Variants in BTBD9 observed in about 807,000 individuals in gnomAD.
BTBD9 encodes BTB/POZ domain-containing protein 9.
In BTBD9, 49 loss-of-function variants were observed where a neutral mutation model predicts 64.3. The ratio of observed to expected loss-of-function variants is 0.76; its 90% confidence interval spans 0.61 to 0.97. The LOEUF is 0.97. BTBD9 is among the 50% of genes least tolerant of loss of function. The pLI is 0.00. For synonymous variants in BTBD9, 260 were observed against 274.7 expected (o/e 0.95, Z 0.53); for missense variants, 598 against 762.1 (o/e 0.78, Z 2.53).
At chr6:38,311,305 C>G (rs1762824225) in intron 7 of BTBD9, among the ~76,000 whole-genome samples, 1 of 151,610 alleles carries the variant, frequency 6.6e-6, no homozygotes, top group South Asian at 2.1e-4. Flanking sequence ...TCCATGAGTT[C>G]AATTGTTTTC....
intron 7 of BTBD9, among the ~76,000 whole-genome samples, chr6:38,320,392 T>C (rs871183): frequency 0.34 from 51,652 of 152,152 alleles, 10,302 homozygotes; most frequent in Non-Finnish European, 0.47. Context: ...CACTTTACTA[T>C]AAATATTTTC....
chr6:38,572,041 T>G (rs1317458444), intron 6 of BTBD9, among the ~76,000 whole-genome samples: 1 of 150,788 alleles, frequency 6.6e-6, no homozygotes, highest in Non-Finnish European at 1.5e-5. Flanking sequence ...ATCACCCCCT[T>G]CATCTCAGCT....
chr6:38,483,948 A>G (rs1251458549), intron 6 of BTBD9, among the ~76,000 whole-genome samples: 1 of 152,190 alleles, frequency 6.6e-6, no homozygotes. Flanking sequence ...TATCACATTT[A>G]TTTCTTTACA....
intron 6 of BTBD9, among the ~76,000 whole-genome samples, chr6:38,433,498 T>A (rs1013499009): frequency 6.6e-6 from 1 of 151,906 alleles, no homozygotes; most frequent in Non-Finnish European, 1.5e-5. Flanking sequence ...TTCCTTCTCC[T>A]GGCTCAGAAC....
chr6:38,612,609 G>A (rs984971530), intron 1 of BTBD9, among the ~76,000 whole-genome samples: 1 of 152,158 alleles, frequency 6.6e-6, no homozygotes, highest in East Asian at 1.9e-4. Flanking sequence ...TTCCCAAGAT[G>A]ACTTAAGGAA....
At chr6:38,251,086 A>G (rs1207714539) in intron 9 of BTBD9, among the ~76,000 whole-genome samples, 1 of 150,580 alleles carries the variant, frequency 6.6e-6, no homozygotes, top group Non-Finnish European at 1.5e-5. Context: ...TGTCTCAGAA[A>G]AAAAAAAAAT....
chr6:38,213,224 A>T (rs60947971), intron 9 of BTBD9, among the ~76,000 whole-genome samples: 2,284 of 152,264 alleles, frequency 0.015, 64 homozygotes, highest in African/African-American at 0.052. Context: ...TTTAGATCTA[A>T]TGACAAGCCA....
chr6:38,416,662 A>C (rs1430768916), intron 6 of BTBD9, among the ~76,000 whole-genome samples: 1 of 150,964 alleles, frequency 6.6e-6, no homozygotes, highest in Non-Finnish European at 1.5e-5. Flanking sequence ...GTACTCTTAC[A>C]TTGCCTGGAG....
At chr6:38,294,043 T>A (rs533890843) in intron 7 of BTBD9, among the ~76,000 whole-genome samples, 1 of 151,780 alleles carries the variant, frequency 6.6e-6, no homozygotes, top group Non-Finnish European at 1.5e-5. Flanking sequence ...AAAGAAGACA[T>A]TTATGCCAAC....
intron 9 of BTBD9, among the ~76,000 whole-genome samples, chr6:38,198,153 AAAAG>A (rs1397316678): frequency 3.4e-4 from 52 of 152,202 alleles, no homozygotes; most frequent in Middle Eastern, 3.2e-3. Flanking sequence ...GAAATAAATA[AAAAG>A]AAAGAGACAG....
chr6:38,217,062 A>G lies in BTBD9; in HGVS notation c.1563-24465T>C, dbSNP rs562851997. Among the ~76,000 whole-genome samples, 383 of 151,486 alleles carry G rather than the reference A, an allele frequency of 2.5e-3. 1 individual carries two copies. Among genetic ancestry groups the G allele is most frequent in the African/African-American group, 8.4e-3 (347 of 41,234 alleles). On this transcript the variant is annotated intron_variant, in intron 9 of 10. Transcript: ENST00000481247. ...AGTAGCTCATGCCTGTAATCCCAGC[A>G]CTTTGGGAGGCCGAGGTGGGTGGAT...
chr6:38,542,764 C>G (rs930350764), intron 6 of BTBD9, among the ~76,000 whole-genome samples: 3 of 152,196 alleles, frequency 2.0e-5, no homozygotes, highest in Admixed American at 6.5e-5. Context: ...GGCTACACCT[C>G]TTAACACAGG....
At chr6:38,590,664 G>C (rs184722342) in intron 4 of BTBD9, among the ~76,000 whole-genome samples, 2 of 152,304 alleles carry the variant, frequency 1.3e-5, no homozygotes, top group East Asian at 3.9e-4. Context: ...ATCAAGCTCA[G>C]CATCTTCTTC....
intron 9 of BTBD9, among the ~76,000 whole-genome samples, chr6:38,213,407 T>C (rs1397562074): frequency 1.3e-5 from 2 of 152,108 alleles, no homozygotes; most frequent in Non-Finnish European, 2.9e-5. Context: ...TTTCCTATGA[T>C]GAAAACCATT....
At chr6:38,334,945 CCCA>C (rs1481427545) in intron 7 of BTBD9, among the ~76,000 whole-genome samples, 6 of 151,956 alleles carry the variant, frequency 3.9e-5, no homozygotes, top group African/African-American at 1.5e-4. Context: ...AATTGTAATC[CCCA>C]CGTGTTGAGG....
chr6:38,262,318 T>C (rs1171058584), intron 8 of BTBD9, among the ~76,000 whole-genome samples: 1 of 152,232 alleles, frequency 6.6e-6, no homozygotes, highest in Non-Finnish European at 1.5e-5. Context: ...CCAAGATTTA[T>C]TGATGCAGAT....
chr6:38,531,098 C>G (rs1773780894), intron 6 of BTBD9, among the ~76,000 whole-genome samples: 1 of 152,060 alleles, frequency 6.6e-6, no homozygotes, highest in Non-Finnish European at 1.5e-5. Context: ...AGAAAGATAT[C>G]AATATTCAAG....
At chr6:38,449,220 C>A (rs1769411816) in intron 6 of BTBD9, among the ~76,000 whole-genome samples, 2 of 152,212 alleles carry the variant, frequency 1.3e-5, no homozygotes, top group Middle Eastern at 3.4e-3. Flanking sequence ...GAAATTTCAG[C>A]TCGATAAAAG....
chr6:38,547,881 T>A (rs1774619042), intron 6 of BTBD9, among the ~76,000 whole-genome samples: 1 of 152,198 alleles, frequency 6.6e-6, no homozygotes, highest in Non-Finnish European at 1.5e-5. Context: ...GGCAGGGACT[T>A]TTTCTGTCTT....
Sources: allele counts gnomAD v4.1 joint callset (sites outside exome capture counted in the v4.1 genomes callset), GRCh38; gene constraint gnomAD v4.1.1; transcripts MANE v1.5; gene names NCBI Gene and HGNC (gene_info 2026-07-23, HGNC 2026-07-21).